Variants in PSIP1 observed in about 807,000 individuals in gnomAD.
PSIP1 encodes PC4 and SRSF1 interacting protein 1, also known as PC4 and SFRS1-interacting protein.
PSIP1 carries 19 observed loss-of-function variants against 74.7 expected under a neutral mutation model. The ratio of observed to expected loss-of-function variants is 0.25; its 90% CI spans 0.18 to 0.37. The LOEUF is 0.37. PSIP1 is among the 10% of genes least tolerant of loss of function. The pLI, the probability that PSIP1 is intolerant of heterozygous loss-of-function variation, is 1.00. For missense variants in PSIP1, 601 were observed against 614.3 expected, an observed-to-expected ratio of 0.98 and a Z score of 0.23; for synonymous variants, 222 against 195.3, an observed-to-expected ratio of 1.14 and a Z score of -1.14.
At chr9:15,501,075 G>A (rs143521226) in intron 3 of PSIP1, among the ~76,000 whole-genome samples, 19 of 152,032 alleles carry the variant, frequency 1.2e-4, no homozygotes, top group African/African-American at 4.6e-4. Flanking sequence ...AAGATTCTGA[G>A]GCAAGATAAT....
chr9:15,494,173 A>G lies in PSIP1; in HGVS notation c.150-4049T>C, dbSNP rs556399238. 2.6e-5 allele frequency among the ~76,000 whole-genome samples: 4 copies of G among 152,344 alleles called. No individual in the cohort carries two copies. The East Asian group carries it at 5.8e-4, about 22-fold the overall frequency. ...ATATCATAAATTCCTGATCTGCTAA[A>G]ATTCTTTAAGAATTAGGGAACTAAT... On this transcript the variant is annotated intron_variant, in intron 3 of 15. Coordinates refer to ENST00000380733, the MANE Select transcript of PSIP1 (RefSeq NM_033222.5).
At chr9:15,466,661 TTA>T in intron 15 of PSIP1, 85 bp downstream of exon 15, 2 of 1,019,862 alleles carry the variant, frequency 2.0e-6, no homozygotes, top group Non-Finnish European at 1.4e-6. Context: ...TAACTGCTTA[TTA>T]TAGTAAGATA....
At chr9:15,479,213 TAAAG>T (rs1219379859) in intron 7 of PSIP1, among the ~76,000 whole-genome samples, 6 of 152,246 alleles carry the variant, frequency 3.9e-5, no homozygotes, top group African/African-American at 1.2e-4. Flanking sequence ...TCCCTATCAA[TAAAG>T]AACGCACAAA....
At chr9:15,494,199 G>A (rs143414018) in intron 3 of PSIP1, among the ~76,000 whole-genome samples, 75 of 152,252 alleles carry the variant, frequency 4.9e-4, no homozygotes, top group Non-Finnish European at 1.0e-3. Flanking sequence ...GGGAACTAAT[G>A]AGTACAGTTA....
intron 3 of PSIP1, among the ~76,000 whole-genome samples, chr9:15,503,980 C>T (rs561769187): frequency 5.3e-5 from 8 of 152,246 alleles, no homozygotes; most frequent in South Asian, 2.1e-4. Flanking sequence ...CTCCTGACCT[C>T]GTCATCCGCC....
intron 3 of PSIP1, among the ~76,000 whole-genome samples, chr9:15,497,324 C>CTTTTTTTTTT: frequency 9.0e-6 from 1 of 110,812 alleles, no homozygotes; most frequent in African/African-American, 6.4e-5. Context: ...TTCTATGATT[C>CTTTTTTTTTT]CTTTTTTTTT....
chr9:15,503,346 AAC>A (rs1166272014), intron 3 of PSIP1, among the ~76,000 whole-genome samples: 2 of 151,690 alleles, frequency 1.3e-5, no homozygotes, highest in African/African-American at 2.4e-5. Flanking sequence ...CAGCCTGGGC[AAC>A]AGAGGAGACT....
intron 6 of PSIP1, among the ~76,000 whole-genome samples, chr9:15,484,490 C>A (rs992327819): frequency 1.3e-5 from 2 of 150,578 alleles, no homozygotes; most frequent in Non-Finnish European, 3.0e-5. Flanking sequence ...TTTGGGAGGC[C>A]GAGGTGGGTG....
chr9:15,471,073 C>T, intron 10 of PSIP1: 1 of 1,497,804 alleles, frequency 6.7e-7, no homozygotes, highest in Non-Finnish European at 8.9e-7. Context: ...GAACATTCTT[C>T]CATCAATGGG....
At chr9:15,499,412 G>A (rs2132198191) in intron 3 of PSIP1, among the ~76,000 whole-genome samples, 1 of 152,242 alleles carries the variant, frequency 6.6e-6, no homozygotes, top group Non-Finnish European at 1.5e-5. Flanking sequence ...TTCTTACATG[G>A]CACACACGTT....
chr9:15,488,935 G>A (rs1445562023), intron 4 of PSIP1, among the ~76,000 whole-genome samples: 1 of 152,096 alleles, frequency 6.6e-6, no homozygotes, highest in African/African-American at 2.4e-5. Flanking sequence ...GCAGGAGAAT[G>A]GTGTGAACCC....
intron 3 of PSIP1, among the ~76,000 whole-genome samples, chr9:15,490,781 A>T (rs2036797031): frequency 6.6e-6 from 1 of 151,898 alleles, no homozygotes; most frequent in Non-Finnish European, 1.5e-5. Flanking sequence ...ATTTAACTGC[A>T]CCCCAAATAT....
chr9:15,491,042 G>A (rs571405291), intron 3 of PSIP1, among the ~76,000 whole-genome samples: 2 of 152,280 alleles, frequency 1.3e-5, no homozygotes, highest in Non-Finnish European at 2.9e-5. Flanking sequence ...TTAGGTTCCT[G>A]TAATCACAAG....
rs377467397 is a variant in PSIP1 at position 15,503,037 on chromosome 9, C to A, written c.149+3524G>T. On this transcript the variant is annotated intron_variant, in intron 3 of 15. Coordinates refer to ENST00000380733, the MANE Select transcript of PSIP1 (RefSeq NM_033222.5). ...CAAATATACCTTTCTTCTAGTTTAG[C>A]AGACTACTAAACTATTTATGCAAAA... Among the ~76,000 whole-genome samples the A allele has an allele frequency of 5.3e-5, 8 of 152,284 alleles. No individual in the cohort carries two copies. The East Asian group carries it at 7.7e-4, about 15-fold the overall frequency.
intron 8 of PSIP1, among the ~76,000 whole-genome samples, chr9:15,476,326 C>T (rs2036075988): frequency 6.6e-6 from 1 of 152,134 alleles, no homozygotes; most frequent in Admixed American, 6.5e-5. Flanking sequence ...AGACTGGAAA[C>T]CCTAATACGT....
intron 3 of PSIP1, among the ~76,000 whole-genome samples, chr9:15,504,706 C>T (rs1347922647): frequency 6.7e-6 from 1 of 149,820 alleles, no homozygotes; most frequent in South Asian, 2.1e-4. Context: ...CACTGCACTC[C>T]AGCCTGGGCA....
Position 15,465,322 on chromosome 9 carries a change from A to G in PSIP1, c.*198T>C. 1 of 515,254 alleles carries G rather than the reference A, an allele frequency of 1.9e-6. No individual in the cohort carries two copies. The highest frequency in any genetic ancestry group is 3.4e-6 in the Non-Finnish European group (1 of 297,324). The allele number at this position is 515,254 out of a possible 1,614,324, so 31.9% of individuals were successfully genotyped here. A position where few individuals can be genotyped will look rare whatever the true frequency, so the allele number is the denominator to read the frequency against. On this transcript the variant is annotated 3_prime_UTR_variant, in exon 16 of 16. Transcript: ENST00000380733. ...ATGGATTTTATCCCACATTTACTGTATAATGTAGCTGTTAATACTGCACAA... is the reference window on the plus strand; with the variant it reads ...ATGGATTTTATCCCACATTTACTGTGTAATGTAGCTGTTAATACTGCACAA...
chr9:15,508,778 A>AT (rs916796176), intron 2 of PSIP1, among the ~76,000 whole-genome samples: 23 of 152,326 alleles, frequency 1.5e-4, no homozygotes, highest in African/African-American at 5.5e-4. Context: ...GTATAAACAA[A>AT]TTCCATTTAA....
chr9:15,473,145 C>A (rs1469745424), intron 9 of PSIP1, among the ~76,000 whole-genome samples: 2 of 152,126 alleles, frequency 1.3e-5, no homozygotes, highest in Non-Finnish European at 2.9e-5. Context: ...ATTTGCATGA[C>A]CTGAATCTGT....
Sources: allele counts gnomAD v4.1 joint callset (sites outside exome capture counted in the v4.1 genomes callset), GRCh38; gene constraint gnomAD v4.1.1; transcripts MANE v1.5; gene names NCBI Gene and HGNC (gene_info 2026-07-23, HGNC 2026-07-21).